AGBL3: variants seen among roughly 807,000 people sequenced by gnomAD.
AGBL3 encodes cytosolic carboxypeptidase 3.
Under a neutral mutation model 94.5 loss-of-function variants are expected in AGBL3, and 68 were observed. The ratio of observed to expected loss-of-function variants is 0.72; its 90% CI spans 0.59 to 0.88. The LOEUF (loss-of-function observed/expected upper bound fraction) is 0.88, where lower values mean the gene tolerates loss of function less well. Ranked by LOEUF, AGBL3 falls within the 40% of genes least tolerant of loss-of-function variation. AGBL3 has a pLI of 0.00. For synonymous variants in AGBL3, 354 were observed against 370.7 expected, an observed-to-expected ratio of 0.95 and a Z score of 0.52; for missense variants, 934 against 1,103.8, an observed-to-expected ratio of 0.85 and a Z score of 2.18.
intron 11 of AGBL3, among the ~76,000 whole-genome samples, chr7:135,053,684 A>G (rs1363195477): frequency 6.6e-6 from 1 of 152,226 alleles, no homozygotes; most frequent in Non-Finnish European, 1.5e-5. Flanking sequence ...ATGGGACTTA[A>G]TAAAATAATT....
Position 135,081,677 on chromosome 7 carries a change from G to A in AGBL3, c.2039-42G>A, listed in dbSNP as rs562463452. The A allele has an allele frequency of 1.6e-5, 20 of 1,281,192 alleles. No individual in the cohort carries two copies. The Admixed American group carries it at 3.2e-4, about 21-fold the overall frequency. 79.4% of individuals were successfully genotyped at this position (1,281,192 alleles called of 1,614,324 possible). A position where few individuals can be genotyped will look rare whatever the true frequency, so the allele number is the denominator to read the frequency against. Reference sequence around the variant, plus strand: ...TGAAAAATATGAAATGTAAATGGGCGAGTTATTTTCATGCTACTATGATCT... The same window carrying A: ...TGAAAAATATGAAATGTAAATGGGCAAGTTATTTTCATGCTACTATGATCT... On this transcript the variant is annotated intron_variant, in intron 14 of 16. Coordinates refer to ENST00000436302, the MANE Select transcript of AGBL3 (RefSeq NM_178563.4).
chr7:135,045,649 G>T, intron 10 of AGBL3, 75 bp downstream of exon 10: 1 of 1,406,080 alleles, frequency 7.1e-7, no homozygotes, highest in East Asian at 2.5e-5. Flanking sequence ...GGCCTATGCA[G>T]TGTTTGCCTT....
At chr7:135,079,011 A>G (rs1333421047) in intron 13 of AGBL3, among the ~76,000 whole-genome samples, 1 of 152,146 alleles carries the variant, frequency 6.6e-6, no homozygotes, top group African/African-American at 2.4e-5. Context: ...CCACCAAGAC[A>G]CTCTTACTTG....
At chr7:135,116,139 T>A (rs973644286) in intron 16 of AGBL3, among the ~76,000 whole-genome samples, 1 of 152,242 alleles carries the variant, frequency 6.6e-6, no homozygotes, top group Admixed American at 6.5e-5. Context: ...CAGATTTTTA[T>A]AATGTACTTC....
At chr7:135,093,246 T>G (rs1386649860) in intron 15 of AGBL3, 2 of 151,660 alleles carry the variant, frequency 1.3e-5, no homozygotes, top group Non-Finnish European at 2.9e-5. Context: ...CGAAGCCATT[T>G]CTATTTGTAG....
At chr7:135,058,167 A>G (rs543256736) in intron 11 of AGBL3, among the ~76,000 whole-genome samples, 2 of 152,324 alleles carry the variant, frequency 1.3e-5, no homozygotes, top group South Asian at 4.1e-4. Context: ...ACCACATACT[A>G]TAATTTAGGA....
chr7:135,035,053 T>C, intron 7 of AGBL3, 125 bp downstream of exon 7: 2 of 867,064 alleles, frequency 2.3e-6, no homozygotes, highest in Non-Finnish European at 3.2e-6. Flanking sequence ...ATAACTACTT[T>C]ATTTTTTCCC....
intron 16 of AGBL3, 96 bp downstream of exon 16, chr7:135,115,707 G>A: frequency 9.4e-7 from 1 of 1,066,082 alleles, no homozygotes; most frequent in East Asian, 2.6e-5. Context: ...AAAAAAATCT[G>A]CTCTTGAAAA....
At chr7:134,992,883 G>C (rs1477339780) in intron 3 of AGBL3, among the ~76,000 whole-genome samples, 5 of 152,190 alleles carry the variant, frequency 3.3e-5, no homozygotes, top group African/African-American at 1.2e-4. Context: ...ATGTGGAAGG[G>C]AGGGGGAAAC....
chr7:135,043,982 G>A lies in AGBL3; in HGVS notation c.1501-43G>A, dbSNP rs540278604. 9.9e-5 allele frequency: 151 copies of A among 1,523,788 alleles called. No individual in the cohort carries two copies. In the Admixed American group the frequency reaches 1.2e-3, roughly 12 times the overall value. 94.4% of individuals were successfully genotyped at this position (1,523,788 alleles called of 1,614,324 possible). A position where few individuals can be genotyped will look rare whatever the true frequency, so the allele number is the denominator to read the frequency against. Reference sequence around the variant, plus strand: ...AATACTACTTTCAAAAAAAGATATCGGTACCAGAACAACGAGTCTCATTTT... The same window carrying A: ...AATACTACTTTCAAAAAAAGATATCAGTACCAGAACAACGAGTCTCATTTT... On this transcript the variant is annotated intron_variant, in intron 8 of 16. Transcript: ENST00000436302.
chr7:135,061,482 C>A lies in AGBL3; in HGVS notation c.1908+2247C>A, dbSNP rs1352151980. 2.6e-5 allele frequency among the ~76,000 whole-genome samples: 4 copies of A among 152,164 alleles called. No individual in the cohort carries two copies. In the East Asian group the frequency reaches 7.7e-4, roughly 29 times the overall value. On this transcript the variant is annotated intron_variant, in intron 12 of 16. Coordinates refer to ENST00000436302, the MANE Select transcript of AGBL3 (RefSeq NM_178563.4). ...GATTGCCCAGACCAATGTCATCGAG[C>A]CTTTCCCCTATACTTTTTTCAGTAG...
intron 12 of AGBL3, among the ~76,000 whole-genome samples, chr7:135,071,257 G>A (rs1158507999): frequency 1.3e-5 from 2 of 152,078 alleles, no homozygotes; most frequent in African/African-American, 4.8e-5. Flanking sequence ...CCATGCTCAT[G>A]GGTGGGAAGA....
At chr7:135,010,309 G>GTT in intron 4 of AGBL3, 5 of 252,410 alleles carry the variant, frequency 2.0e-5, no homozygotes, top group South Asian at 7.6e-5. Flanking sequence ...TTTTTTTGTT[G>GTT]TTTTTTTTTT....
intron 11 of AGBL3, among the ~76,000 whole-genome samples, chr7:135,050,003 A>G (rs1027559239): frequency 1.2e-4 from 18 of 150,598 alleles, no homozygotes; most frequent in African/African-American, 4.1e-4. Context: ...CTTTTTTGAG[A>G]TCTTTATTCT....
At chr7:135,106,847 A>AT (rs1174799753) in intron 15 of AGBL3, among the ~76,000 whole-genome samples, 1 of 151,866 alleles carries the variant, frequency 6.6e-6, no homozygotes, top group Non-Finnish European at 1.5e-5. Context: ...TTGTCCTGGG[A>AT]TTTTTTTGGA....
intron 5 of AGBL3, among the ~76,000 whole-genome samples, chr7:135,027,962 A>C (rs557509365): frequency 9.2e-5 from 14 of 151,732 alleles, no homozygotes; most frequent in Non-Finnish European, 1.8e-4. Flanking sequence ...TCAATAAAGT[A>C]AGTCACACAA....
intron 5 of AGBL3, among the ~76,000 whole-genome samples, chr7:135,025,381 G>A (rs1233712703): frequency 6.6e-6 from 1 of 151,508 alleles, no homozygotes; most frequent in East Asian, 2.0e-4. Flanking sequence ...CACAAGTGAA[G>A]GAGAAATAAA....
chr7:135,032,321 T>A (rs1425388188), intron 5 of AGBL3, among the ~76,000 whole-genome samples: 1 of 152,096 alleles, frequency 6.6e-6, no homozygotes, highest in East Asian at 1.9e-4. Context: ...TGTTCTTTTT[T>A]TGAGACAGAG....
intron 16 of AGBL3, among the ~76,000 whole-genome samples, chr7:135,130,638 T>C (rs1828608943): frequency 6.6e-6 from 1 of 151,974 alleles, no homozygotes; most frequent in Non-Finnish European, 1.5e-5. Context: ...TATTCATATA[T>C]TCATCCCAAG....
Sources: allele counts gnomAD v4.1 joint callset (sites outside exome capture counted in the v4.1 genomes callset), GRCh38; gene constraint gnomAD v4.1.1; transcripts MANE v1.5; gene names NCBI Gene and HGNC (gene_info 2026-07-23, HGNC 2026-07-21).